Variants in SPATA12 observed in about 807,000 individuals in gnomAD.
SPATA12 encodes the protein spermatogenesis associated 12, also known as spermatogenesis-associated protein 12.
For missense variants in SPATA12, 219 were observed against 226.4 expected (o/e 0.97, Z 0.21); for synonymous variants, 85 against 89.2 (o/e 0.95, Z 0.26).
Position 57,074,313 on chromosome 3 carries a change from T to G in SPATA12, c.*46T>G. 1 of 1,555,134 alleles carries G rather than the reference T, an allele frequency of 6.4e-7. No individual in the cohort carries two copies. The highest frequency in any genetic ancestry group is 1.7e-4 in the Middle Eastern group (1 of 5,842). ...TCTGAGAGTCTGGCAGCTGTTTGTC[T>G]GGGCCTTTGCACATGCTATGCCCTC... On this transcript the variant is annotated 3_prime_UTR_variant, in exon 2 of 2. Transcript: ENST00000334325.
At chr3:57,062,153 A>C (rs1162847308) in intron 1 of SPATA12, among the ~76,000 whole-genome samples, 4 of 101,468 alleles carry the variant, frequency 3.9e-5, no homozygotes, top group African/African-American at 1.6e-4. Flanking sequence ...GATTTGTAGG[A>C]AGATCCCTGG....
intron 1 of SPATA12, among the ~76,000 whole-genome samples, chr3:57,065,490 A>C (rs887022878): frequency 6.6e-6 from 1 of 152,138 alleles, no homozygotes; most frequent in Admixed American, 6.6e-5. Flanking sequence ...TTACTTGCAA[A>C]AGAAAAACTG....
At chr3:57,061,342 G>T (rs1190098240) in intron 1 of SPATA12, among the ~76,000 whole-genome samples, 1 of 151,992 alleles carries the variant, frequency 6.6e-6, no homozygotes, top group African/African-American at 2.4e-5. Context: ...CTGTCATCCA[G>T]GCAGGAGTAC....
At position 57,073,907 on chromosome 3, in the gene SPATA12, A is replaced by G. The variant is rs375097782; in HGVS notation, c.213A>G (p.Thr71=). 3.7e-6 allele frequency: 6 copies of G among 1,614,168 alleles called. No homozygotes were observed. Among genetic ancestry groups the G allele is most frequent in the South Asian group, 1.1e-5 (1 of 91,078 alleles). ...CAGCCTCTGCCCTCCCAGAGCTGAC[A>G]TTTCAGGGGGATGTGTGCCAAAGTG... is the stretch of plus-strand genomic sequence containing the variant. ...PGAASALPEL[T]FQGDVCQSET... is the part of the protein sequence containing the mutation. Residue 71 remains threonine, a synonymous_variant, in exon 2 of 2, where the codon ACA becomes ACG. Coordinates refer to ENST00000334325, the MANE Select transcript of SPATA12 (RefSeq NM_181727.2).
At chr3:57,061,310 T>A (rs553657658) in intron 1 of SPATA12, among the ~76,000 whole-genome samples, 32 of 152,276 alleles carry the variant, frequency 2.1e-4, no homozygotes, top group African/African-American at 6.5e-4. Context: ...TATTATTTTT[T>A]TTTTTGCAAT....
In SPATA12 at chr3:57,074,423, C is replaced by T. The variant is rs756981996; in HGVS notation, c.*156C>T. The T allele has an allele frequency of 2.3e-5, 15 of 645,982 alleles. No homozygotes were observed. Among genetic ancestry groups the T allele is most frequent in the Non-Finnish European group, 3.6e-5 (13 of 363,866 alleles). 40.0% of individuals were successfully genotyped at this position (645,982 alleles called of 1,614,324 possible). A position where few individuals can be genotyped will look rare whatever the true frequency, so the allele number is the denominator to read the frequency against. ...AGATATCACTTTTTCCAAGAAGCCT[C>T]CCTGTCACACTTCCCCAATATCACA... On this transcript the variant is annotated 3_prime_UTR_variant, in exon 2 of 2. Coordinates refer to ENST00000334325, the MANE Select transcript of SPATA12 (RefSeq NM_181727.2).
At chr3:57,071,129 A>G (rs767139755) in intron 1 of SPATA12, among the ~76,000 whole-genome samples, 2 of 152,226 alleles carry the variant, frequency 1.3e-5, no homozygotes, top group Non-Finnish European at 2.9e-5. Flanking sequence ...AGATGAATGG[A>G]CTAGAATTGA....
At chr3:57,072,989 T>G (rs1445897311) in intron 1 of SPATA12, among the ~76,000 whole-genome samples, 1 of 152,174 alleles carries the variant, frequency 6.6e-6, no homozygotes, top group Non-Finnish European at 1.5e-5. Context: ...GAGGTTGCAG[T>G]GAGCCAAGGT....
In SPATA12 at chr3:57,073,494, C is replaced by T; in HGVS notation, c.-201C>T. 1.3e-6 allele frequency: 1 copy of T among 759,948 alleles called. No individual in the cohort carries two copies. The highest frequency in any genetic ancestry group is 2.0e-6 in the Non-Finnish European group (1 of 502,166). The allele number at this position is 759,948 out of a possible 1,614,324, so 47.1% of individuals were successfully genotyped here. On this transcript the variant is annotated 5_prime_UTR_variant, in exon 2 of 2. Transcript: ENST00000334325. ...AAGCAAAGATGTGAACATGGGAAAA[C>T]CTCTGCAGTATCTGGGTGACTGTGG...
chr3:57,062,460 C>T (rs1020792796), intron 1 of SPATA12, among the ~76,000 whole-genome samples: 3 of 152,074 alleles, frequency 2.0e-5, no homozygotes, highest in African/African-American at 4.8e-5. Context: ...GCGGCGGGGG[C>T]GGGGGGTGCT....
Position 57,074,222 on chromosome 3 carries a change from C to T in SPATA12, c.528C>T (p.Ser176=), listed in dbSNP as rs1354801686. The T allele has an allele frequency of 1.2e-5, 19 of 1,613,928 alleles. No individual in the cohort carries two copies. Among genetic ancestry groups the T allele is most frequent in the Non-Finnish European group, 1.5e-5 (18 of 1,179,998 alleles). Residue 176 remains serine, a synonymous_variant, in exon 2 of 2, where the codon TCC becomes TCT. Transcript: ENST00000334325. Reference sequence around the variant, plus strand: ...TTACTGAGGGCTGCTTTGTCAGGTCCCTCTCTACAGTATACTCCAACACAC... The same window carrying T: ...TTACTGAGGGCTGCTTTGTCAGGTCTCTCTCTACAGTATACTCCAACACAC... ...LTFTEGCFVR[S]LSTVYSNTHI...
chr3:57,073,692 C>A lies in SPATA12; in HGVS notation c.-3C>A. The stretch of plus-strand genomic sequence containing the variant: ...GGAGAATTCTGTTTTTGACTTGGGC[C>A]CCATGTCCAGTTCTGCTCTGACTTG... On this transcript the variant is annotated 5_prime_UTR_variant, in exon 2 of 2. Coordinates refer to ENST00000334325, the MANE Select transcript of SPATA12 (RefSeq NM_181727.2). 3 of 1,605,976 alleles carry A rather than the reference C, an allele frequency of 1.9e-6. No homozygotes were observed. The highest frequency in any genetic ancestry group is 1.7e-5 in the Admixed American group (1 of 58,534).
intron 1 of SPATA12, among the ~76,000 whole-genome samples, chr3:57,065,252 A>G (rs1237090744): frequency 6.6e-6 from 1 of 152,212 alleles, no homozygotes; most frequent in Non-Finnish European, 1.5e-5. Context: ...ACTTGAGGTC[A>G]GGAGTTCGAC....
At chr3:57,061,256 T>TG (rs1197440376) in intron 1 of SPATA12, among the ~76,000 whole-genome samples, 2 of 152,234 alleles carry the variant, frequency 1.3e-5, no homozygotes, top group Non-Finnish European at 2.9e-5. Context: ...AATACTTTCA[T>TG]GGATCAGCAT....
chr3:57,073,633 T>C lies in SPATA12; in HGVS notation c.-62T>C. 6.5e-7 allele frequency: 1 copy of C among 1,542,356 alleles called. No individual in the cohort carries two copies. Among genetic ancestry groups the C allele is most frequent in the Non-Finnish European group, 8.7e-7 (1 of 1,147,192 alleles). On this transcript the variant is annotated 5_prime_UTR_variant, in exon 2 of 2. Coordinates refer to ENST00000334325, the MANE Select transcript of SPATA12 (RefSeq NM_181727.2). ...AAGAGTGCTGCATGCTCCTCAGGGA[T>C]TGGCTCCGGCCAAGTGCCCCAGCCT...
At chr3:57,063,740 A>G (rs1024729732) in intron 1 of SPATA12, among the ~76,000 whole-genome samples, 1 of 152,144 alleles carries the variant, frequency 6.6e-6, no homozygotes, top group Admixed American at 6.5e-5. Flanking sequence ...GCAACAGAGA[A>G]CAGGCCATTG....
chr3:57,069,111 CG>C, intron 1 of SPATA12, among the ~76,000 whole-genome samples: 1 of 152,060 alleles, frequency 6.6e-6, no homozygotes, highest in African/African-American at 2.4e-5. Context: ...TTAGCAGAGA[CG>C]GGGTTTCACC....
At position 57,074,207 on chromosome 3, in the gene SPATA12, C is replaced by G. The variant is rs559373522; in HGVS notation, c.513C>G (p.Gly171=). ...CAAACCAACTGACATTTACTGAGGG[C>G]TGCTTTGTCAGGTCCCTCTCTACAG... ...SRSNQLTFTE[G]CFVRSLSTVY... Residue 171 remains glycine, a synonymous_variant, in exon 2 of 2, where the codon GGC becomes GGG. Transcript: ENST00000334325. 2.5e-6 allele frequency: 4 copies of G among 1,614,128 alleles called. No homozygotes were observed. The South Asian group carries it at 4.4e-5, about 18-fold the overall frequency.
At chr3:57,065,192 C>G (rs900966002) in intron 1 of SPATA12, among the ~76,000 whole-genome samples, 2 of 152,130 alleles carry the variant, frequency 1.3e-5, no homozygotes, top group East Asian at 1.9e-4. Context: ...CAGTGGCTCA[C>G]GCCTCACGCC....
Sources: gnomAD v4.1 joint callset for allele counts (sites outside exome capture counted in the v4.1 genomes callset) on GRCh38, gnomAD v4.1.1 for gene constraint, MANE v1.5 for transcripts, NCBI Gene and HGNC (gene_info 2026-07-23, HGNC 2026-07-21) for gene names.